Variants in MAP4 observed in about 807,000 individuals in gnomAD.
The protein encoded by MAP4 is microtubule associated protein 4, also known as microtubule-associated protein 4.
MAP4 carries 76 observed loss-of-function variants against 170.2 expected under a neutral mutation model. That is an observed-to-expected ratio of 0.45 (90% CI 0.37 to 0.54). The LOEUF is 0.54. Among genes scored for constraint, MAP4 ranks in the 20% least tolerant of loss-of-function variants. MAP4 has a pLI of 0.00. For synonymous variants in MAP4, 909 were observed against 994.5 expected, an observed-to-expected ratio of 0.91 and a Z score of 1.62; for missense variants, 2,506 against 2,748.0, an observed-to-expected ratio of 0.91 and a Z score of 1.97.
intron 1 of MAP4, among the ~76,000 whole-genome samples, chr3:48,066,767 AT>A (rs778593256): frequency 1.1e-4 from 15 of 139,834 alleles, no homozygotes; most frequent in South Asian, 2.5e-4. Context: ...GGACAACTGT[AT>A]TTGAAAATAG....
chr3:47,971,895 C>T (rs1322127809), intron 3 of MAP4, among the ~76,000 whole-genome samples: 1 of 152,142 alleles, frequency 6.6e-6, no homozygotes, highest in Non-Finnish European at 1.5e-5. Flanking sequence ...TTTCACTTCG[C>T]ATCAGGGATG....
intron 1 of MAP4, among the ~76,000 whole-genome samples, chr3:48,069,981 AT>A (rs904645570): frequency 5.3e-5 from 8 of 151,542 alleles, no homozygotes; most frequent in Admixed American, 4.0e-4. Flanking sequence ...GTGAAAAAAA[AT>A]TTTTTTTCTG....
intron 1 of MAP4, among the ~76,000 whole-genome samples, chr3:48,056,272 GC>G (rs1387190376): frequency 1.5e-5 from 1 of 66,176 alleles, no homozygotes; most frequent in African/African-American, 4.3e-5. Context: ...GGGGGGGTCA[GC>G]CCCCCGCCCG....
intron 11 of MAP4, among the ~76,000 whole-genome samples, chr3:47,876,118 T>G (rs1576919554): frequency 7.8e-6 from 1 of 128,164 alleles, no homozygotes; most frequent in Non-Finnish European, 1.6e-5. Flanking sequence ...GGGGAATAGT[T>G]TCTTTTTCTT....
chr3:47,870,736 G>C (rs1291269685), intron 15 of MAP4, 77 bp downstream of exon 15: 11 of 1,417,806 alleles, frequency 7.8e-6, no homozygotes, highest in Admixed American at 2.4e-5. Flanking sequence ...TCTTTGGTGG[G>C]CCTGGGAACA....
chr3:48,000,730 A>T (rs2100098656), intron 1 of MAP4, among the ~76,000 whole-genome samples: 1 of 152,200 alleles, frequency 6.6e-6, no homozygotes, highest in Admixed American at 6.5e-5. Context: ...GAAGAATCTC[A>T]ACTAATACAC....
chr3:47,986,369 G>A (rs752226377), intron 2 of MAP4, among the ~76,000 whole-genome samples: 9 of 151,668 alleles, frequency 5.9e-5, no homozygotes, highest in Non-Finnish European at 1.3e-4. Context: ...TTGAGATGGA[G>A]TCACTCTGTC....
chr3:47,875,675 G>A lies in MAP4; in HGVS notation c.5757+10C>T, dbSNP rs372442994. On this transcript the variant is annotated intron_variant, in intron 12 of 20. Transcript: ENST00000683076. ...ATTTTCCTCGGCACAGTAGTTAGGT[G>A]ACCACTTACCTTTGGCTTCACGTCT... is the stretch of plus-strand genomic sequence containing the variant. The A allele has an allele frequency of 4.1e-5, 66 of 1,609,760 alleles. No individual in the cohort carries two copies. The highest frequency in any genetic ancestry group is 5.1e-5 in the Non-Finnish European group (60 of 1,178,684).
intron 1 of MAP4, among the ~76,000 whole-genome samples, chr3:48,014,713 TA>T (rs770921208): frequency 1.8e-4 from 28 of 152,176 alleles, no homozygotes; most frequent in Non-Finnish European, 3.8e-4. Flanking sequence ...TCACTTTTCC[TA>T]ACCACTGTGT....
Position 47,946,214 on chromosome 3 carries a change from A to T in MAP4, c.293-17864T>A, listed in dbSNP as rs532230585. 7.6e-4 allele frequency among the ~76,000 whole-genome samples: 114 copies of T among 150,486 alleles called. 1 individual carries two copies. In the East Asian group the frequency reaches 0.021, roughly 27 times the overall value. ...CACCTCTGCCTCCCAAAGTGCTGGG[A>T]TTACAGGTGTGAGCCACCACACCCG... On this transcript the variant is annotated intron_variant, in intron 3 of 20. Transcript: ENST00000683076.
rs562812031 is a variant in MAP4 at position 47,911,585 on chromosome 3, C to G, written c.2836G>C (p.Glu946Gln). ...VETPLDIRLK[E>Q]GCSPFLDQEV... ...TGGTCCAAGAAAGGAGAGCAACCCT[C>G]TTTAAGTCTGATATCCAAAGGGGTT... The change falls in exon 9 of 21, where the codon GAG becomes CAG. Residue 946 changes from glutamate to glutamine, a missense_variant. Glu to Gln is a conservative substitution (Grantham distance 29, BLOSUM62 2). This residue lies in a region of MAP4 where 2,008 missense variants were observed against 2,206.0 expected (regional missense o/e 0.91). Coordinates refer to ENST00000683076, the MANE Select transcript of MAP4 (RefSeq NM_001385682.1). The surrounding 1 kb of genome is among the most constrained non-coding windows in gnomAD (Gnocchi z 4.0). 1.3e-6 allele frequency: 2 copies of G among 1,536,040 alleles called. No homozygotes were observed. The highest frequency in any genetic ancestry group is 1.4e-5 in the African/African-American group (1 of 73,050).
chr3:47,904,906 G>A (rs769208980), intron 9 of MAP4, among the ~76,000 whole-genome samples: 2 of 152,208 alleles, frequency 1.3e-5, no homozygotes, highest in Admixed American at 6.5e-5. Context: ...CTGGCCTCAA[G>A]TGATTTGCCT....
In MAP4 at chr3:48,047,105, A is replaced by C. The variant is rs534295899; in HGVS notation, c.-20+41668T>G. On this transcript the variant is annotated intron_variant, in intron 1 of 18. Coordinates refer to the MAP4 transcript ENST00000360240. ...TGAGACTCCGTCTCAAAAATAAATA[A>C]ATAAATAAATAAATAAATAAATAAA... 2.5e-4 allele frequency among the ~76,000 whole-genome samples: 37 copies of C among 150,648 alleles called. No homozygotes were observed. In the East Asian group the frequency reaches 4.8e-3, roughly 20 times the overall value.
intron 3 of MAP4, chr3:47,973,279 G>C (rs1177602402): frequency 4.1e-6 from 4 of 984,920 alleles, no homozygotes; most frequent in Non-Finnish European, 1.2e-6. Context: ...AAAAGAGAGA[G>C]AGAAAGAGAA....
intron 1 of MAP4, among the ~76,000 whole-genome samples, chr3:48,025,051 CCT>C (rs2100112333): frequency 6.6e-6 from 1 of 151,844 alleles, no homozygotes; most frequent in Non-Finnish European, 1.5e-5. Context: ...CTCCCAGTCA[CCT>C]CTGTTTGCAA....
chr3:47,974,764 CA>C (rs879174953), intron 3 of MAP4: 68,429 of 640,548 alleles, frequency 0.11, 1 homozygote, highest in Non-Finnish European at 0.12. Flanking sequence ...AGTCCGTCTC[CA>C]AAAAAAAAAA....
At chr3:47,962,033 GTGCCATGGCAGTTTACAAA>G (rs1299970964) in intron 3 of MAP4, among the ~76,000 whole-genome samples, 1 of 152,176 alleles carries the variant, frequency 6.6e-6, no homozygotes, top group Non-Finnish European at 1.5e-5. Context: ...ACTCCTACCA[GTGCCATGGCAGTTTACAAA>G]TGCCATGGCA....
chr3:48,087,635 C>T lies in MAP4; in HGVS notation c.-20+1138G>A, dbSNP rs1167821399. Among the ~76,000 whole-genome samples, 6 of 152,056 alleles carry T rather than the reference C, an allele frequency of 3.9e-5. 1 individual carries two copies. The South Asian group carries it at 1.2e-3, about 32-fold the overall frequency. On this transcript the variant is annotated intron_variant, in intron 1 of 18. Coordinates refer to the MAP4 transcript ENST00000360240. ...TCCCCTGATGCAATGCCACAACCAT[C>T]CCTGGGAAAGAGCAGAGGCAGTTGC...
At chr3:48,001,575 C>T (rs1420890711) in intron 1 of MAP4, among the ~76,000 whole-genome samples, 1 of 152,154 alleles carries the variant, frequency 6.6e-6, no homozygotes, top group Non-Finnish European at 1.5e-5. Flanking sequence ...TCTTGCCTCA[C>T]TGCAACCTCC....
Sources: gnomAD v4.1 joint callset for allele counts (sites outside exome capture counted in the v4.1 genomes callset) on GRCh38, gnomAD v4.1.1 for gene constraint, gnomAD v4.1.1 regional missense constraint, Gnocchi (gnomAD v3.1) non-coding constraint, MANE v1.5 for transcripts, NCBI Gene and HGNC (gene_info 2026-07-23, HGNC 2026-07-21) for gene names.